The following HMGCLL1 variants were observed in gnomAD, a reference collection of about 807,000 sequenced individuals.
HMGCLL1 encodes the protein 3-hydroxy-3-methylglutaryl-CoA lyase like 1.
HMGCLL1 carries 36 observed loss-of-function variants against 39.1 expected under a neutral mutation model. The observed-to-expected ratio is 0.92, with a 90% CI of 0.71 to 1.22. HMGCLL1 has a LOEUF of 1.22. Ranked by LOEUF, HMGCLL1 falls within the 50% of genes most tolerant of loss-of-function variation. The probability of loss-of-function intolerance (pLI) is 0.00; values close to 1 mark genes in which losing one functional copy is unlikely to be tolerated. For missense variants in HMGCLL1, 451 were observed against 416.5 expected (o/e 1.08, Z -0.72); for synonymous variants, 149 against 144.0 (o/e 1.03, Z -0.25).
intron 1 of HMGCLL1, among the ~76,000 whole-genome samples, chr6:55,554,735 G>A (rs1770559696): frequency 6.6e-6 from 1 of 152,014 alleles, no homozygotes; most frequent in African/African-American, 2.4e-5. Flanking sequence ...CCAGGGAAGG[G>A]GTCCTCCTTG....
chr6:55,543,442 T>A (rs1436293215), intron 1 of HMGCLL1, among the ~76,000 whole-genome samples: 1 of 7,302 alleles, frequency 1.4e-4, no homozygotes, highest in Non-Finnish European at 4.2e-4. Flanking sequence ...ATATCATATA[T>A]GATATATATG....
At chr6:55,488,224 T>C (rs1462773658) in intron 7 of HMGCLL1, among the ~76,000 whole-genome samples, 1 of 152,088 alleles carries the variant, frequency 6.6e-6, no homozygotes, top group Non-Finnish European at 1.5e-5. Context: ...AGACACAATT[T>C]TTATAAAATA....
chr6:55,653,647 G>A, the HMGCLL1 span, among the ~76,000 whole-genome samples: 242 of 151,964 alleles, frequency 1.6e-3, no homozygotes, highest in Middle Eastern at 3.4e-3. Context: ...CCCTAAGAAG[G>A]TACCTTGCTT....
At chr6:55,672,219 A>G in the HMGCLL1 span, among the ~76,000 whole-genome samples, 1 of 151,880 alleles carries the variant, frequency 6.6e-6, no homozygotes, top group African/African-American at 2.4e-5. Context: ...AAAGACAGCC[A>G]AAAGAAATAA....
chr6:55,634,800 T>A, the HMGCLL1 span, among the ~76,000 whole-genome samples: 1 of 152,174 alleles, frequency 6.6e-6, no homozygotes, highest in Non-Finnish European at 1.5e-5. Context: ...GATGTTTTAC[T>A]TCCTTTGCTC....
intron 3 of HMGCLL1, among the ~76,000 whole-genome samples, chr6:55,519,100 T>C (rs1767897925): frequency 1.3e-5 from 2 of 152,110 alleles, no homozygotes; most frequent in Non-Finnish European, 2.9e-5. Context: ...GATGTGTCTT[T>C]GAGTTAGGTT....
chr6:55,604,919 G>GTAAAC, the HMGCLL1 span, among the ~76,000 whole-genome samples: 53,866 of 151,780 alleles, frequency 0.35, 10,862 homozygotes, highest in African/African-American at 0.55. Flanking sequence ...TTTTAAATGA[G>GTAAAC]TAAAGTGCAT....
chr6:55,625,558 C>A, the HMGCLL1 span, among the ~76,000 whole-genome samples: 112 of 152,184 alleles, frequency 7.4e-4, 2 homozygotes, highest in Non-Finnish European at 1.9e-4. Context: ...TGGACAGCTG[C>A]AGCACTACAG....
intron 1 of HMGCLL1, among the ~76,000 whole-genome samples, chr6:55,556,910 A>G (rs1287542298): frequency 2.0e-5 from 3 of 152,180 alleles, no homozygotes; most frequent in East Asian, 3.9e-4. Context: ...TTGATGTAAA[A>G]TGCATAGAAA....
chr6:55,525,573 C>A (rs2127444882), intron 3 of HMGCLL1, among the ~76,000 whole-genome samples: 1 of 152,080 alleles, frequency 6.6e-6, no homozygotes, highest in Middle Eastern at 3.4e-3. Context: ...CCCACTTCCA[C>A]CAAGTGGAAC....
intron 3 of HMGCLL1, among the ~76,000 whole-genome samples, chr6:55,540,632 C>G (rs1347861502): frequency 1.3e-5 from 2 of 152,158 alleles, no homozygotes; most frequent in East Asian, 3.9e-4. Context: ...CTATGCTATT[C>G]TGTTATAGTA....
In HMGCLL1 at chr6:55,446,326, T is replaced by A. The variant is rs547951885; in HGVS notation, c.796-6767A>T. Among the ~76,000 whole-genome samples the A allele has an allele frequency of 2.0e-5, 3 of 148,572 alleles. No individual in the cohort carries two copies. In the East Asian group the frequency reaches 5.8e-4, roughly 29 times the overall value. On this transcript the variant is annotated intron_variant, in intron 7 of 8. Coordinates refer to ENST00000274901, the MANE Select transcript of HMGCLL1 (RefSeq NM_001042406.2). ...TACATAATATATAAATATATTTTTA[T>A]ATAACATATATAAATACATTTATAT...
chr6:55,442,141 G>T (rs1451006987), intron 7 of HMGCLL1, among the ~76,000 whole-genome samples: 1 of 152,018 alleles, frequency 6.6e-6, no homozygotes, highest in Non-Finnish European at 1.5e-5. Context: ...TTCTTGTCTG[G>T]CTGAGGTGGT....
At chr6:55,560,369 C>G (rs141068116) in intron 1 of HMGCLL1, among the ~76,000 whole-genome samples, 43 of 152,260 alleles carry the variant, frequency 2.8e-4, no homozygotes, top group African/African-American at 9.6e-4. Flanking sequence ...CTGTCCTTTA[C>G]TATTCCAGAA....
the HMGCLL1 span, among the ~76,000 whole-genome samples, chr6:55,631,559 G>C: frequency 2.3e-4 from 35 of 151,932 alleles, no homozygotes; most frequent in Non-Finnish European, 8.8e-5. Context: ...TGGTGTCTAC[G>C]ACTCCCAGCA....
At chr6:55,600,318 G>A in the HMGCLL1 span, among the ~76,000 whole-genome samples, 1 of 152,076 alleles carries the variant, frequency 6.6e-6, no homozygotes, top group Non-Finnish European at 1.5e-5. Flanking sequence ...CTAACTTCTT[G>A]AATGTGGTAA....
At chr6:55,439,732 G>A (rs1763519086) in intron 7 of HMGCLL1, 173 bp from the exon 8 acceptor site, 1 of 488,988 alleles carries the variant, frequency 2.0e-6, no homozygotes, top group Non-Finnish European at 3.6e-6. Flanking sequence ...TTTCTTTTAT[G>A]TCTAATCTCG....
chr6:55,527,638 T>C (rs529536450), intron 3 of HMGCLL1, among the ~76,000 whole-genome samples: 1 of 152,042 alleles, frequency 6.6e-6, no homozygotes, highest in Non-Finnish European at 1.5e-5. Context: ...ATGACACTGA[T>C]AAGACCTCTC....
At chr6:55,587,127 C>G in the HMGCLL1 span, among the ~76,000 whole-genome samples, 1 of 152,118 alleles carries the variant, frequency 6.6e-6, no homozygotes, top group African/African-American at 2.4e-5. Flanking sequence ...TTTCGATTTG[C>G]ATTTCTCTGA....
Sources: allele counts gnomAD v4.1 joint callset (sites outside exome capture counted in the v4.1 genomes callset), GRCh38; gene constraint gnomAD v4.1.1; transcripts MANE v1.5; gene names NCBI Gene and HGNC (gene_info 2026-07-23, HGNC 2026-07-21).